CPQ: variants seen among roughly 807,000 people sequenced by gnomAD.
The protein encoded by CPQ is Ser-Met dipeptidase.
In CPQ, 37 loss-of-function variants were observed where a neutral mutation model predicts 45.7. That is an observed-to-expected ratio of 0.81 (90% CI 0.62 to 1.07). The LOEUF is 1.07. Ranked by LOEUF, CPQ falls within the 50% of genes least tolerant of loss-of-function variation. The pLI, the probability that CPQ is intolerant of heterozygous loss-of-function variation, is 0.00. For synonymous variants in CPQ, 186 were observed against 205.8 expected, an observed-to-expected ratio of 0.90 and a Z score of 0.82; for missense variants, 537 against 572.9, an observed-to-expected ratio of 0.94 and a Z score of 0.64.
chr8:96,708,074 C>T (rs1212954097), intron 1 of CPQ, among the ~76,000 whole-genome samples: 3 of 151,938 alleles, frequency 2.0e-5, no homozygotes, highest in Admixed American at 2.0e-4. Flanking sequence ...TAATGGCTGC[C>T]CATATTCCTT....
At chr8:96,945,102 A>G (rs1160575231) in intron 4 of CPQ, among the ~76,000 whole-genome samples, 26 of 152,108 alleles carry the variant, frequency 1.7e-4, no homozygotes, top group Admixed American at 1.7e-3. Context: ...CCTAGGAAGA[A>G]AAGAGCTCTG....
At chr8:96,801,861 A>G (rs1811010808) in intron 2 of CPQ, among the ~76,000 whole-genome samples, 2 of 152,168 alleles carry the variant, frequency 1.3e-5, no homozygotes, top group South Asian at 4.1e-4. Context: ...TCATTGGTTA[A>G]TAACTGTAGA....
chr8:96,742,966 T>C (rs1260143722), intron 1 of CPQ, among the ~76,000 whole-genome samples: 1 of 152,202 alleles, frequency 6.6e-6, no homozygotes, highest in Non-Finnish European at 1.5e-5. Flanking sequence ...GGTGTTGCTC[T>C]TCTCGAGGAG....
intron 3 of CPQ, among the ~76,000 whole-genome samples, chr8:96,871,672 T>A (rs144277680): frequency 6.7e-4 from 102 of 151,838 alleles, no homozygotes; most frequent in African/African-American, 2.4e-3. Flanking sequence ...CCAATGAATA[T>A]GAACTCAGTT....
At chr8:97,075,144 A>G (rs1810821303) in intron 7 of CPQ, among the ~76,000 whole-genome samples, 1 of 152,188 alleles carries the variant, frequency 6.6e-6, no homozygotes, top group South Asian at 2.1e-4. Context: ...AGGAAGTAGC[A>G]AAGGGTTGAA....
chr8:97,113,998 T>C (rs1811542803), intron 7 of CPQ, among the ~76,000 whole-genome samples: 1 of 152,172 alleles, frequency 6.6e-6, no homozygotes, highest in Non-Finnish European at 1.5e-5. Context: ...ACCTGTCTCT[T>C]TCCAGAGCCA....
At chr8:96,803,829 T>G (rs911196951) in intron 2 of CPQ, among the ~76,000 whole-genome samples, 2 of 152,318 alleles carry the variant, frequency 1.3e-5, no homozygotes, top group Admixed American at 1.3e-4. Flanking sequence ...TGAGCCTGAT[T>G]ATGGCAAGGG....
intron 6 of CPQ, among the ~76,000 whole-genome samples, chr8:97,038,153 A>G (rs1053901094): frequency 6.6e-6 from 1 of 152,244 alleles, no homozygotes; most frequent in African/African-American, 2.4e-5. Context: ...TTTAAAGAAA[A>G]GAGAAATATC....
At chr8:96,731,173 T>C (rs1809909050) in intron 1 of CPQ, among the ~76,000 whole-genome samples, 1 of 152,098 alleles carries the variant, frequency 6.6e-6, no homozygotes, top group Non-Finnish European at 1.5e-5. Context: ...TCTAGAACTC[T>C]GGCTCTTTCA....
At chr8:97,000,932 T>C (rs753234898) in intron 5 of CPQ, among the ~76,000 whole-genome samples, 5 of 152,192 alleles carry the variant, frequency 3.3e-5, no homozygotes, top group Non-Finnish European at 7.4e-5. Context: ...TGGTTTGTAG[T>C]TCTCCTTGTA....
intron 2 of CPQ, among the ~76,000 whole-genome samples, chr8:96,795,218 G>A (rs1357194734): frequency 6.6e-6 from 1 of 152,176 alleles, no homozygotes; most frequent in Non-Finnish European, 1.5e-5. Context: ...ACATGGCTGG[G>A]GAAGTCTCAC....
intron 2 of CPQ, among the ~76,000 whole-genome samples, chr8:96,821,846 T>A (rs1811311951): frequency 6.6e-6 from 1 of 152,034 alleles, no homozygotes; most frequent in Admixed American, 6.6e-5. Flanking sequence ...TGTTTTGATA[T>A]GTATGTACAC....
chr8:97,014,628 G>GGA (rs915497512), intron 5 of CPQ, among the ~76,000 whole-genome samples: 7 of 147,394 alleles, frequency 4.7e-5, no homozygotes, highest in African/African-American at 1.8e-4. Context: ...GGTGACAGAG[G>GGA]GAGACTCCAT....
chr8:97,133,037 C>CAAAG (rs1249965784), intron 7 of CPQ: 1 of 151,990 alleles, frequency 6.6e-6, no homozygotes, highest in Non-Finnish European at 1.5e-5. Flanking sequence ...ATTATAAAGT[C>CAAAG]AAAGATAATG....
Position 96,951,041 on chromosome 8 carries a change from A to G in CPQ, c.850-14894A>G, listed in dbSNP as rs555726012. Reference sequence around the variant, plus strand: ...TACTGAAGGAATTTATGGAGATTAAAATTCATAAATTGTTATAGAGTTAAA... The same window carrying G: ...TACTGAAGGAATTTATGGAGATTAAGATTCATAAATTGTTATAGAGTTAAA... On this transcript the variant is annotated intron_variant, in intron 4 of 7. Transcript: ENST00000220763. Among the ~76,000 whole-genome samples the G allele has an allele frequency of 3.9e-5, 6 of 152,242 alleles. No individual in the cohort carries two copies. In the East Asian group the frequency reaches 1.2e-3, roughly 29 times the overall value.
At chr8:97,130,425 T>G (rs982210172) in intron 7 of CPQ, among the ~76,000 whole-genome samples, 2 of 126,602 alleles carry the variant, frequency 1.6e-5, no homozygotes, top group Non-Finnish European at 3.2e-5. Flanking sequence ...CAGCTGTTTT[T>G]TTTTTTTTTT....
chr8:97,045,798 C>G (rs974650939), intron 6 of CPQ, among the ~76,000 whole-genome samples: 1 of 152,202 alleles, frequency 6.6e-6, no homozygotes, highest in Non-Finnish European at 1.5e-5. Context: ...ACGTAAACAT[C>G]AAAGAGTGGT....
intron 7 of CPQ, among the ~76,000 whole-genome samples, chr8:97,097,991 T>C (rs547309912): frequency 6.6e-6 from 1 of 152,270 alleles, no homozygotes; most frequent in Admixed American, 6.5e-5. Flanking sequence ...ATAAAATGAT[T>C]TGTTGAACAT....
chr8:96,728,381 G>A (rs765022402), intron 1 of CPQ, among the ~76,000 whole-genome samples: 1 of 152,086 alleles, frequency 6.6e-6, no homozygotes, highest in South Asian at 2.1e-4. Context: ...TTGCTCTGGT[G>A]TTGATCAGGT....
Sources: allele counts gnomAD v4.1 joint callset (sites outside exome capture counted in the v4.1 genomes callset), GRCh38; gene constraint gnomAD v4.1.1; transcripts MANE v1.5; gene names NCBI Gene and HGNC (gene_info 2026-07-23, HGNC 2026-07-21).